TBCD: variants seen among roughly 807,000 people sequenced by gnomAD.
TBCD encodes the protein tubulin folding cofactor D, also known as tubulin-specific chaperone D.
In TBCD, 105 loss-of-function variants were observed where a neutral mutation model predicts 169.3. The observed-to-expected ratio is 0.62, with a 90% CI of 0.53 to 0.73. TBCD has a LOEUF of 0.73. Among genes scored for constraint, TBCD ranks in the 30% least tolerant of loss-of-function variants. The pLI is 0.00. For missense variants in TBCD, 1,444 were observed against 1,600.1 expected (o/e 0.90, Z 1.66); for synonymous variants, 700 against 643.9 (o/e 1.09, Z -1.32).
chr17:82,926,764 C>A, intron 28 of TBCD: 1 of 553,862 alleles, frequency 1.8e-6, no homozygotes, highest in South Asian at 2.2e-5. Context: ...AGGAGCTGAC[C>A]CTGCCAGCCA....
intron 14 of TBCD, among the ~76,000 whole-genome samples, chr17:82,881,326 T>G (rs1031528415): frequency 2.0e-5 from 3 of 152,202 alleles, no homozygotes; most frequent in Non-Finnish European, 4.4e-5. Context: ...CCGTGGTTGT[T>G]AGTAATTAAA....
intron 14 of TBCD, among the ~76,000 whole-genome samples, chr17:82,883,144 G>A (rs1006289042): frequency 6.6e-6 from 1 of 152,236 alleles, no homozygotes; most frequent in East Asian, 1.9e-4. Flanking sequence ...TCATGTTGAC[G>A]CGGGCCCCGC....
At chr17:82,840,963 T>TGTTTTTTTG (rs1567869592) in intron 13 of TBCD, among the ~76,000 whole-genome samples, 1 of 133,634 alleles carries the variant, frequency 7.5e-6, no homozygotes, top group African/African-American at 2.8e-5. Flanking sequence ...GGTTTTTTTT[T>TGTTTTTTTG]TTTTTTTTTT....
chr17:82,816,177 T>A (rs2051883196), intron 13 of TBCD, among the ~76,000 whole-genome samples: 1 of 152,198 alleles, frequency 6.6e-6, no homozygotes, highest in South Asian at 2.1e-4. Flanking sequence ...GCGTCCGAAT[T>A]CTTCGGCTGA....
rs767059052 is a variant in TBCD, at chr17:82,932,665, G to A, written c.3121G>A (p.Val1041Met). Reference protein sequence around the residue: ...EDNLLNERVSVPLLKTLDHVL... With the variant: ...EDNLLNERVSMPLLKTLDHVL... ...AGCTCCTTCTCCCCTCAGGGTGTCC[G>A]TGCCGCTGCTGAAGACGCTGGACCA... The change falls in exon 34 of 39, where the codon GTG becomes ATG. Residue 1041 changes from valine to methionine, a missense_variant. Coordinates refer to ENST00000355528, the MANE Select transcript of TBCD (RefSeq NM_005993.5). 45 of 1,613,204 alleles carry A rather than the reference G, an allele frequency of 2.8e-5. No individual in the cohort carries two copies. The highest frequency in any genetic ancestry group is 3.6e-5 in the Non-Finnish European group (42 of 1,179,760).
chr17:82,926,274 G>A, intron 27 of TBCD, 126 bp from the exon 28 acceptor site: 1 of 849,432 alleles, frequency 1.2e-6, no homozygotes, highest in Non-Finnish European at 1.9e-6. Context: ...CCGTGAGGAA[G>A]GTGGTGCCAG....
intron 6 of TBCD, among the ~76,000 whole-genome samples, chr17:82,779,963 T>C (rs998981979): frequency 5.3e-5 from 8 of 152,242 alleles, no homozygotes; most frequent in African/African-American, 1.9e-4. Context: ...GAGCGCCTGG[T>C]GCCTCCCTCC....
Position 82,889,777 on chromosome 17 carries a change from G to A in TBCD, c.1563+80G>A. Reference sequence around the variant, plus strand: ...AGGAATCTTGAGAGCTATAACCCTGGTGTCTTCTCGCACTGTGAGATGTGG... The same window carrying A: ...AGGAATCTTGAGAGCTATAACCCTGATGTCTTCTCGCACTGTGAGATGTGG... On this transcript the variant is annotated intron_variant, in intron 16 of 38. Transcript: ENST00000355528. This position sits in a 1 kb window ranked among gnomAD's most constrained non-coding sequence, Gnocchi z 5.3. 6.5e-7 allele frequency: 1 copy of A among 1,535,578 alleles called. No individual in the cohort carries two copies. Among genetic ancestry groups the A allele is most frequent in the Non-Finnish European group, 8.9e-7 (1 of 1,117,588 alleles).
At chr17:82,846,305 CGTGCTGCGTCCAGCGTGCCGT>C (rs2055080112) in intron 13 of TBCD, among the ~76,000 whole-genome samples, 13 of 135,896 alleles carry the variant, frequency 9.6e-5, no homozygotes, top group Non-Finnish European at 1.3e-4. Context: ...GCCCCCTCCA[CGTGCTGCGTCCAGCGTGCCGT>C]GTCCTCTCGT....
At chr17:82,821,091 G>C (rs762329591) in intron 13 of TBCD, among the ~76,000 whole-genome samples, 1 of 149,962 alleles carries the variant, frequency 6.7e-6, no homozygotes, top group Non-Finnish European at 1.5e-5. Context: ...GAGTAGCTGA[G>C]ACCACAGGCC....
intron 13 of TBCD, among the ~76,000 whole-genome samples, chr17:82,865,244 C>T: frequency 6.6e-6 from 1 of 151,898 alleles, no homozygotes; most frequent in South Asian, 2.1e-4. Context: ...AAGGGAGGGT[C>T]TGCAGGGACG....
chr17:82,786,366 G>T (rs1598485928), intron 7 of TBCD, among the ~76,000 whole-genome samples: 1 of 152,230 alleles, frequency 6.6e-6, no homozygotes, highest in African/African-American at 2.4e-5. Flanking sequence ...CAATGGCTCT[G>T]CCCCGAGTGT....
rs73362977 is a variant in TBCD at position 82,793,322 on chromosome 17, C to A, written c.772-4435C>A. ...TGTCCCCACCAGTGCCCCCTAGGCC[C>A]CGCCTTGAGGACAAGCTCTCTTCTG... On this transcript the variant is annotated intron_variant, in intron 7 of 38. Transcript: ENST00000355528. 1.3e-3 allele frequency among the ~76,000 whole-genome samples: 198 copies of A among 152,288 alleles called. 1 individual carries two copies. The highest frequency in any genetic ancestry group is 4.5e-3 in the African/African-American group (185 of 41,554).
chr17:82,779,012 ATTTATTTAT>A (rs1255371084), intron 6 of TBCD, among the ~76,000 whole-genome samples: 1 of 137,020 alleles, frequency 7.3e-6, no homozygotes, highest in Non-Finnish European at 1.6e-5. Context: ...TTATTTATTT[ATTTATTTAT>A]TTATTTATTT....
intron 14 of TBCD, among the ~76,000 whole-genome samples, chr17:82,875,795 C>T (rs964417339): frequency 1.3e-5 from 2 of 152,152 alleles, no homozygotes; most frequent in Non-Finnish European, 1.5e-5. Flanking sequence ...TGGCCATTAC[C>T]GAGCAGAGTC....
rs547727915 is a variant in TBCD, at chr17:82,792,195, C to T, written c.772-5562C>T. Among the ~76,000 whole-genome samples, 41 of 152,068 alleles carry T rather than the reference C, an allele frequency of 2.7e-4. 1 individual carries two copies. In the East Asian group the frequency reaches 4.5e-3, roughly 17 times the overall value. ...TGGTGGCGGGCGCCTGTAGTCCCAG[C>T]GACTCGGGAAGCCGAGGCAGGAGAA... On this transcript the variant is annotated intron_variant, in intron 7 of 38. Coordinates refer to ENST00000355528, the MANE Select transcript of TBCD (RefSeq NM_005993.5).
At chr17:82,836,551 C>T in intron 13 of TBCD, among the ~76,000 whole-genome samples, 1 of 152,190 alleles carries the variant, frequency 6.6e-6, no homozygotes, top group Middle Eastern at 3.4e-3. Context: ...TTCGAAGCCG[C>T]ATTATTTCAC....
At chr17:82,893,395 G>A (rs539970138) in intron 16 of TBCD, among the ~76,000 whole-genome samples, 152 bp from the exon 17 acceptor site, 8 of 152,368 alleles carry the variant, frequency 5.3e-5, no homozygotes, top group African/African-American at 1.4e-4. Context: ...AGTCCTCGGC[G>A]AGCCATGTCT....
chr17:82,776,557 T>G (rs906094939), intron 6 of TBCD, among the ~76,000 whole-genome samples: 21 of 152,248 alleles, frequency 1.4e-4, no homozygotes, highest in Non-Finnish European at 2.1e-4. Context: ...GAGTCAGCAC[T>G]GTGCTTTTTC....
Sources: gnomAD v4.1 joint callset for allele counts (sites outside exome capture counted in the v4.1 genomes callset) on GRCh38, gnomAD v4.1.1 for gene constraint, Gnocchi (gnomAD v3.1) non-coding constraint, MANE v1.5 for transcripts, NCBI Gene and HGNC (gene_info 2026-07-23, HGNC 2026-07-21) for gene names.